Variants in TASP1 observed in about 807,000 individuals in gnomAD.
The protein encoded by TASP1 is taspase 1, also known as threonine aspartase 1.
TASP1 carries 16 observed loss-of-function variants against 56.6 expected under a neutral mutation model. The ratio of observed to expected loss-of-function variants is 0.28; its 90% CI spans 0.19 to 0.43. TASP1 has a LOEUF of 0.43. TASP1 is among the 20% of genes least tolerant of loss of function. The pLI is 1.00. For synonymous variants in TASP1, 179 were observed against 184.2 expected (o/e 0.97, Z 0.23); for missense variants, 393 against 511.6 (o/e 0.77, Z 2.24).
intron 4 of TASP1, among the ~76,000 whole-genome samples, chr20:13,596,807 G>A (rs1466726767): frequency 6.6e-6 from 1 of 152,132 alleles, no homozygotes; most frequent in Non-Finnish European, 1.5e-5. Context: ...AAGAAGAAAA[G>A]AGAGAAGAAT....
chr20:13,280,592 C>T, the TASP1 span, among the ~76,000 whole-genome samples: 1 of 152,204 alleles, frequency 6.6e-6, no homozygotes, highest in African/African-American at 2.4e-5. Context: ...TGGAGTTCCA[C>T]CAACTGTTAG....
At chr20:13,464,764 G>A (rs1395548045) in intron 11 of TASP1, among the ~76,000 whole-genome samples, 1 of 152,056 alleles carries the variant, frequency 6.6e-6, no homozygotes, top group Non-Finnish European at 1.5e-5. Context: ...AGGGAAAGGG[G>A]AGTTGTTTAA....
At chr20:13,372,273 TGAATAAAAAGACTGGCC>T in the TASP1 span, among the ~76,000 whole-genome samples, 1,515 of 152,262 alleles carry the variant, frequency 9.9e-3, 6 homozygotes, top group South Asian at 0.021. Context: ...ACAGCTTGAA[TGAATAAAAAGACTGGCC>T]TCCCTAAGCA....
intron 6 of TASP1, 107 bp from the exon 7 acceptor site, chr20:13,569,693 G>A: frequency 1.1e-6 from 1 of 883,572 alleles, no homozygotes; most frequent in Non-Finnish European, 1.7e-6. Flanking sequence ...CTTGCATATG[G>A]ACATAATTCC....
the TASP1 span, among the ~76,000 whole-genome samples, chr20:13,107,420 G>C: frequency 6.6e-6 from 1 of 152,190 alleles, no homozygotes; most frequent in African/African-American, 2.4e-5. Flanking sequence ...TGTCCAGATG[G>C]CAGAGGGAAG....
chr20:13,301,148 T>G, the TASP1 span, among the ~76,000 whole-genome samples: 1 of 152,294 alleles, frequency 6.6e-6, no homozygotes, highest in South Asian at 2.1e-4. Context: ...CCTTAAGTTA[T>G]CCTGACACAA....
the TASP1 span, among the ~76,000 whole-genome samples, chr20:13,270,916 C>G: frequency 6.6e-6 from 1 of 152,112 alleles, no homozygotes; most frequent in African/African-American, 2.4e-5. Flanking sequence ...TTAAGTGACA[C>G]CCTTGATTGT....
the TASP1 span, among the ~76,000 whole-genome samples, chr20:13,284,367 G>C: frequency 6.6e-6 from 1 of 152,174 alleles, no homozygotes; most frequent in Non-Finnish European, 1.5e-5. Context: ...ACTCGGGATA[G>C]TTTTATTTCC....
intron 11 of TASP1, among the ~76,000 whole-genome samples, chr20:13,468,790 C>A (rs779378589): frequency 1.7e-4 from 26 of 151,364 alleles, no homozygotes; most frequent in Non-Finnish European, 2.6e-4. Context: ...TTTTTGATCA[C>A]CTAATAAGTA....
chr20:13,629,170 C>T (rs931441543), intron 2 of TASP1, among the ~76,000 whole-genome samples: 5 of 151,988 alleles, frequency 3.3e-5, no homozygotes, highest in Non-Finnish European at 7.4e-5. Flanking sequence ...GTTTGAGACC[C>T]ACCTGGCCAA....
the TASP1 span, among the ~76,000 whole-genome samples, chr20:13,334,481 G>A: frequency 1.9e-4 from 29 of 152,142 alleles, no homozygotes; most frequent in Admixed American, 7.2e-4. Flanking sequence ...TCTTCTTAAC[G>A]CTATCAAGGT....
In TASP1 at chr20:13,587,162, G is replaced by A. The variant is rs1447931886; in HGVS notation, c.403+88C>T. On this transcript the variant is annotated intron_variant, in intron 5 of 13. Coordinates refer to ENST00000337743, the MANE Select transcript of TASP1 (RefSeq NM_017714.3). ...TTTAAACACTATTCCAAGCAGAAATGGTGAAAAAGACTGTAATCATCTTTA... is the reference window on the plus strand; with the variant it reads ...TTTAAACACTATTCCAAGCAGAAATAGTGAAAAAGACTGTAATCATCTTTA... 12 of 1,424,734 alleles carry A rather than the reference G, an allele frequency of 8.4e-6. No homozygotes were observed. The African/African-American group carries it at 1.7e-4, about 21-fold the overall frequency. The allele number at this position is 1,424,734 out of a possible 1,614,324, so 88.3% of individuals were successfully genotyped here. A position where few individuals can be genotyped will look rare whatever the true frequency, so the allele number is the denominator to read the frequency against.
At chr20:13,290,567 G>T in the TASP1 span, among the ~76,000 whole-genome samples, 8 of 152,174 alleles carry the variant, frequency 5.3e-5, no homozygotes, top group East Asian at 7.7e-4. Flanking sequence ...GAGAATGGCA[G>T]GAACCCGGGA....
the TASP1 span, among the ~76,000 whole-genome samples, chr20:13,219,201 G>A: frequency 1.3e-5 from 2 of 152,172 alleles, no homozygotes; most frequent in Non-Finnish European, 1.5e-5. Flanking sequence ...ATTTGTTCCT[G>A]CGAGCCCGTA....
chr20:13,616,084 C>T (rs531559146), intron 4 of TASP1, among the ~76,000 whole-genome samples: 1 of 152,222 alleles, frequency 6.6e-6, no homozygotes, highest in East Asian at 1.9e-4. Context: ...CACATACACA[C>T]ACACACACAC....
chr20:13,287,732 A>T, the TASP1 span, among the ~76,000 whole-genome samples: 1 of 152,234 alleles, frequency 6.6e-6, no homozygotes, highest in Non-Finnish European at 1.5e-5. Context: ...TTCAATAGGT[A>T]TTCACTGGAT....
At chr20:13,212,133 C>T in the TASP1 span, among the ~76,000 whole-genome samples, 1 of 152,280 alleles carries the variant, frequency 6.6e-6, no homozygotes, top group South Asian at 2.1e-4. Flanking sequence ...TATTTCCCAA[C>T]TGTTCTTGCA....
the TASP1 span, among the ~76,000 whole-genome samples, chr20:13,237,203 A>C: frequency 1.3e-5 from 2 of 152,224 alleles, no homozygotes; most frequent in Non-Finnish European, 2.9e-5. Context: ...CACAGCCAAC[A>C]TATCAACATG....
At chr20:13,225,206 A>T in the TASP1 span, among the ~76,000 whole-genome samples, 1 of 152,124 alleles carries the variant, frequency 6.6e-6, no homozygotes, top group Non-Finnish European at 1.5e-5. Flanking sequence ...TGCTATCATT[A>T]TCCCTGTTTC....
Sources: gnomAD v4.1 joint callset for allele counts (sites outside exome capture counted in the v4.1 genomes callset) on GRCh38, gnomAD v4.1.1 for gene constraint, MANE v1.5 for transcripts, NCBI Gene and HGNC (gene_info 2026-07-23, HGNC 2026-07-21) for gene names.